Variants in NEDD1 observed in about 807,000 individuals in gnomAD.
The protein encoded by NEDD1 is NEDD1 gamma-tubulin ring complex targeting factor.
Under a neutral mutation model 74.0 loss-of-function variants are expected in NEDD1, and 33 were observed. The observed-to-expected ratio is 0.45, with a 90% CI of 0.34 to 0.60. NEDD1 has a LOEUF of 0.60. Ranked by LOEUF, NEDD1 falls within the 20% of genes least tolerant of loss-of-function variation. The pLI, the probability that NEDD1 is intolerant of heterozygous loss-of-function variation, is 0.01. For missense variants in NEDD1, 746 were observed against 776.5 expected (o/e 0.96, Z 0.47); for synonymous variants, 250 against 264.4 (o/e 0.95, Z 0.53).
chr12:96,916,916 A>G (rs911222460), intron 4 of NEDD1, among the ~76,000 whole-genome samples: 5 of 152,186 alleles, frequency 3.3e-5, no homozygotes, highest in African/African-American at 1.2e-4. Flanking sequence ...GTAGCTATAG[A>G]TAAAGGGGAG....
chr12:96,934,605 T>C (rs1168787935), intron 6 of NEDD1, among the ~76,000 whole-genome samples: 1 of 152,012 alleles, frequency 6.6e-6, no homozygotes, highest in Non-Finnish European at 1.5e-5. Context: ...TAGTGTGATC[T>C]TGGCTCACTG....
At chr12:96,911,340 C>G (rs149530944) in intron 3 of NEDD1, among the ~76,000 whole-genome samples, 1 of 152,184 alleles carries the variant, frequency 6.6e-6, no homozygotes, top group African/African-American at 2.4e-5. Context: ...AACAACAAAA[C>G]TGATGTAGCT....
At chr12:96,950,163 G>T (rs1878573615) in intron 14 of NEDD1, among the ~76,000 whole-genome samples, 1 of 151,934 alleles carries the variant, frequency 6.6e-6, no homozygotes. Context: ...AAGAGGAATG[G>T]TATATGAACA....
At chr12:96,938,759 C>T (rs1189666348) in intron 9 of NEDD1, among the ~76,000 whole-genome samples, 2 of 152,016 alleles carry the variant, frequency 1.3e-5, no homozygotes, top group Non-Finnish European at 2.9e-5. Context: ...GGCAGATGCA[C>T]TTTATAAATT....
intron 10 of NEDD1, 23 bp downstream of exon 10, chr12:96,940,560 G>T (rs760029047): frequency 1.3e-6 from 2 of 1,548,222 alleles, no homozygotes; most frequent in Non-Finnish European, 1.8e-6. Flanking sequence ...AGAGGATCCT[G>T]TTCTCTTGCT....
intron 6 of NEDD1, among the ~76,000 whole-genome samples, chr12:96,927,528 C>G (rs1250759283): frequency 6.6e-6 from 1 of 152,192 alleles, no homozygotes; most frequent in Non-Finnish European, 1.5e-5. Flanking sequence ...TTATCTTTCT[C>G]AAGCTGCAGC....
intron 6 of NEDD1, among the ~76,000 whole-genome samples, chr12:96,932,487 T>TATAA (rs1300455459): frequency 1.3e-5 from 1 of 75,054 alleles, no homozygotes; most frequent in South Asian, 5.1e-4. Context: ...TATATATATA[T>TATAA]AAAATGCACA....
intron 3 of NEDD1, among the ~76,000 whole-genome samples, chr12:96,911,571 G>A (rs1873921680): frequency 1.3e-5 from 2 of 152,084 alleles, no homozygotes; most frequent in African/African-American, 4.8e-5. Flanking sequence ...AGAGAGATTA[G>A]TTTTTTGTTT....
At chr12:96,913,562 C>T (rs1242602825) in intron 4 of NEDD1, among the ~76,000 whole-genome samples, 5 of 151,810 alleles carry the variant, frequency 3.3e-5, no homozygotes, top group Admixed American at 6.6e-5. Flanking sequence ...TTAGTAGAGA[C>T]GGGGTTTCAC....
At chr12:96,928,923 C>T (rs1565797414) in intron 6 of NEDD1, among the ~76,000 whole-genome samples, 1 of 151,870 alleles carries the variant, frequency 6.6e-6, no homozygotes, top group Non-Finnish European at 1.5e-5. Flanking sequence ...ATCTCCTGAC[C>T]TCGTGATCTG....
intron 6 of NEDD1, among the ~76,000 whole-genome samples, chr12:96,924,104 C>G (rs1285605030): frequency 2.0e-5 from 3 of 151,996 alleles, no homozygotes; most frequent in African/African-American, 7.3e-5. Flanking sequence ...TCTAATTGTA[C>G]CAATGTTATT....
rs959415646 is a variant in NEDD1 at position 96,907,633 on chromosome 12, C to T, written c.-232C>T. 5 of 1,551,000 alleles carry T rather than the reference C, an allele frequency of 3.2e-6. No individual in the cohort carries two copies. In the South Asian group the frequency reaches 4.8e-5, roughly 15 times the overall value. On this transcript the variant is annotated 5_prime_UTR_variant, in exon 2 of 16. Transcript: ENST00000266742. ...TTGGATGCATTTTACAGGTTAGCCT[C>T]ACTTGAGCTGTTGTCCTGCAAGTAA... is the stretch of plus-strand genomic sequence containing the variant.
chr12:96,949,441 C>G (rs1017699446), intron 14 of NEDD1, among the ~76,000 whole-genome samples: 3 of 152,036 alleles, frequency 2.0e-5, no homozygotes, highest in African/African-American at 7.2e-5. Context: ...AAAGCATTAA[C>G]ATTTAAATAA....
intron 11 of NEDD1, among the ~76,000 whole-genome samples, chr12:96,943,278 C>T (rs1311494002): frequency 6.6e-6 from 1 of 152,048 alleles, no homozygotes; most frequent in Non-Finnish European, 1.5e-5. Context: ...TTGTGTTTTG[C>T]TGTTTTCAAA....
intron 9 of NEDD1, among the ~76,000 whole-genome samples, chr12:96,939,612 G>A (rs1877466753): frequency 6.6e-6 from 1 of 151,988 alleles, no homozygotes; most frequent in South Asian, 2.1e-4. Flanking sequence ...TACCAATCCT[G>A]ATGGCAGACT....
chr12:96,926,988 T>TTGTG (rs58398494), intron 6 of NEDD1, among the ~76,000 whole-genome samples: 44 of 147,924 alleles, frequency 3.0e-4, no homozygotes, highest in East Asian at 1.4e-3. Context: ...AAAAAAAAAA[T>TTGTG]TGTGTGTGTG....
In NEDD1 at chr12:96,942,606, TC is replaced by T; in HGVS notation, c.1278del (p.Ile427Ter). The T allele has an allele frequency of 2.0e-6, 3 of 1,518,614 alleles. No individual in the cohort carries two copies. The highest frequency in any genetic ancestry group is 2.7e-6 in the Non-Finnish European group (3 of 1,095,054). The allele number at this position is 1,518,614 out of a possible 1,614,324, so 94.1% of individuals were successfully genotyped here. ...DAVVNKGSDESIGKGDGFDFL... is the reference protein window; with the variant it reads ...DAVVNKGSDEXIGKGDGFDFL... ...TGTAGTTAACAAGGGAAGTGATGAGTCCATAGGCAAAGGAGATGGTAAGAAC... is the reference window on the plus strand; with the variant it reads ...TGTAGTTAACAAGGGAAGTGATGAGTCATAGGCAAAGGAGATGGTAAGAAC... On this transcript the variant is annotated frameshift_variant, in exon 11 of 16. Transcript: ENST00000266742. LOFTEE classifies it high-confidence loss of function.
intron 6 of NEDD1, among the ~76,000 whole-genome samples, chr12:96,929,908 A>G (rs1402300844): frequency 2.0e-5 from 3 of 152,120 alleles, no homozygotes; most frequent in Admixed American, 6.6e-5. Context: ...ATTGGCCACC[A>G]TGCTTTTCTG....
Position 96,945,156 on chromosome 12 carries a change from C to A in NEDD1, c.1654+361C>A, listed in dbSNP as rs1317598722. Reference sequence around the variant, plus strand: ...TATCCTTAGAGTTTGTGCTGCAGACCCATACAAACTTCATCACATTTAAAG... The same window carrying A: ...TATCCTTAGAGTTTGTGCTGCAGACACATACAAACTTCATCACATTTAAAG... On this transcript the variant is annotated intron_variant, in intron 13 of 15. Transcript: ENST00000266742. 3.3e-5 allele frequency among the ~76,000 whole-genome samples: 5 copies of A among 151,922 alleles called. No homozygotes were observed. The East Asian group carries it at 9.6e-4, about 29-fold the overall frequency.
Sources: gnomAD v4.1 joint callset for allele counts (sites outside exome capture counted in the v4.1 genomes callset) on GRCh38, gnomAD v4.1.1 for gene constraint, MANE v1.5 for transcripts, NCBI Gene and HGNC (gene_info 2026-07-23, HGNC 2026-07-21) for gene names.